Variants in LARS2 observed in about 807,000 individuals in gnomAD.
The protein encoded by LARS2 is leucyl-tRNA synthetase 2, mitochondrial.
In LARS2, 81 loss-of-function variants were observed where a neutral mutation model predicts 116.6. The ratio of observed to expected loss-of-function variants is 0.69; its 90% confidence interval spans 0.58 to 0.84. The LOEUF is 0.84. LARS2 is among the 40% of genes least tolerant of loss of function. The probability of loss-of-function intolerance (pLI) is 0.00; values close to 1 mark genes in which losing one functional copy is unlikely to be tolerated. For synonymous variants in LARS2, 396 were observed against 407.2 expected, an observed-to-expected ratio of 0.97 and a Z score of 0.33; for missense variants, 968 against 1,114.5, an observed-to-expected ratio of 0.87 and a Z score of 1.87.
intron 14 of LARS2, among the ~76,000 whole-genome samples, chr3:45,498,663 G>T (rs1322760379): frequency 6.6e-6 from 1 of 152,060 alleles, no homozygotes; most frequent in African/African-American, 2.4e-5. Context: ...ACAAATATTC[G>T]AAGTCCTCCA....
intron 7 of LARS2, among the ~76,000 whole-genome samples, chr3:45,448,718 G>C (rs747634325): frequency 1.3e-5 from 2 of 152,270 alleles, no homozygotes; most frequent in African/African-American, 4.8e-5. Context: ...AACTGCAGCA[G>C]GAGCATGTTC....
chr3:45,518,139 G>C (rs1700401188), intron 18 of LARS2, 67 bp downstream of exon 18: 1 of 1,277,182 alleles, frequency 7.8e-7, no homozygotes, highest in African/African-American at 1.5e-5. Context: ...CTTTGCCTGT[G>C]GTCTTTGCTG....
intron 21 of LARS2, among the ~76,000 whole-genome samples, chr3:45,542,683 G>T (rs1166540588): frequency 1.3e-5 from 2 of 152,182 alleles, no homozygotes; most frequent in African/African-American, 4.8e-5. Context: ...ACCCTATAAC[G>T]TGGGCGTTGC....
chr3:45,524,890 G>A (rs1700510984), intron 20 of LARS2, among the ~76,000 whole-genome samples: 1 of 152,226 alleles, frequency 6.6e-6, no homozygotes, highest in Non-Finnish European at 1.5e-5. Flanking sequence ...GTAAGCTTGA[G>A]TGATAAGAAG....
Position 45,492,294 on chromosome 3 carries a change from C to T in LARS2, c.1523+494C>T, listed in dbSNP as rs1210681644. Among the ~76,000 whole-genome samples, 7 of 152,144 alleles carry T rather than the reference C, an allele frequency of 4.6e-5. No individual in the cohort carries two copies. The East Asian group carries it at 1.3e-3, about 29-fold the overall frequency. On this transcript the variant is annotated intron_variant, in intron 13 of 21. Transcript: ENST00000645846. Reference sequence around the variant, plus strand: ...CTGCATTCTTTAATATGCTGAAGCACCATGGTTCCTTTCTCCTCATTTTGG... The same window carrying T: ...CTGCATTCTTTAATATGCTGAAGCATCATGGTTCCTTTCTCCTCATTTTGG...
intron 20 of LARS2, among the ~76,000 whole-genome samples, chr3:45,540,754 AT>A (rs1700781474): frequency 4.0e-5 from 4 of 99,594 alleles, no homozygotes; most frequent in Admixed American, 3.8e-4. Flanking sequence ...CTGTCTATCT[AT>A]CTATCTATCT....
At chr3:45,500,631 T>C in intron 15 of LARS2, 52 bp downstream of exon 15, 1 of 1,379,296 alleles carries the variant, frequency 7.3e-7, no homozygotes, top group Non-Finnish European at 9.8e-7. Flanking sequence ...AATAGCAACT[T>C]TAAGCAGGTG....
At chr3:45,455,521 A>G (rs1699199859) in intron 7 of LARS2, among the ~76,000 whole-genome samples, 1 of 152,132 alleles carries the variant, frequency 6.6e-6, no homozygotes, top group African/African-American at 2.4e-5. Context: ...GAACCCTTCC[A>G]GAACCTGTGT....
At chr3:45,470,678 A>G (rs1322426837) in intron 8 of LARS2, among the ~76,000 whole-genome samples, 1 of 152,212 alleles carries the variant, frequency 6.6e-6, no homozygotes, top group East Asian at 1.9e-4. Context: ...TAGGGAAATC[A>G]CATGACCTCT....
intron 19 of LARS2, among the ~76,000 whole-genome samples, chr3:45,521,455 G>A (rs937874190): frequency 2.0e-5 from 3 of 151,958 alleles, no homozygotes; most frequent in African/African-American, 7.3e-5. Context: ...AAATTAAAAG[G>A]GTAATTTTTA....
At chr3:45,479,820 A>G (rs770379571) in intron 10 of LARS2, among the ~76,000 whole-genome samples, 1 of 152,168 alleles carries the variant, frequency 6.6e-6, no homozygotes, top group Non-Finnish European at 1.5e-5. Flanking sequence ...TGCATTCCTA[A>G]TATTAAAATA....
chr3:45,389,659 A>G (rs568565964), intron 1 of LARS2, among the ~76,000 whole-genome samples: 5 of 152,222 alleles, frequency 3.3e-5, no homozygotes, highest in Admixed American at 6.5e-5. Context: ...AGAAGAGAAG[A>G]GTCTTCTTAT....
chr3:45,443,856 G>A (rs1373423894), intron 6 of LARS2, among the ~76,000 whole-genome samples: 1 of 152,166 alleles, frequency 6.6e-6, no homozygotes, highest in Non-Finnish European at 1.5e-5. Context: ...AAGCCAGGGT[G>A]AAAGCAGGGG....
chr3:45,472,113 G>A (rs1699539008), intron 8 of LARS2, among the ~76,000 whole-genome samples: 2 of 152,160 alleles, frequency 1.3e-5, no homozygotes, highest in Non-Finnish European at 1.5e-5. Context: ...TGAGAATGCC[G>A]GGGATCCAAG....
intron 4 of LARS2, among the ~76,000 whole-genome samples, chr3:45,416,760 T>C (rs548647384): frequency 6.6e-6 from 1 of 152,128 alleles, no homozygotes; most frequent in South Asian, 2.1e-4. Flanking sequence ...GGCTACCATA[T>C]TGGACAGCAC....
chr3:45,512,251 AC>A lies in LARS2; in HGVS notation c.1761-881del, dbSNP rs1439284886. Among the ~76,000 whole-genome samples the A allele has an allele frequency of 2.0e-5, 3 of 152,258 alleles. No homozygotes were observed. The East Asian group carries it at 5.8e-4, about 29-fold the overall frequency. On this transcript the variant is annotated intron_variant, in intron 15 of 21. Transcript: ENST00000645846. ...CAGGAAATGAGTGCTCCTACCTGATACCCTGAACACGAAATACTTAACGTGT... is the reference window on the plus strand; with the variant it reads ...CAGGAAATGAGTGCTCCTACCTGATACCTGAACACGAAATACTTAACGTGT...
chr3:45,466,747 C>T (rs1575273053), intron 8 of LARS2, among the ~76,000 whole-genome samples: 2 of 152,122 alleles, frequency 1.3e-5, no homozygotes, highest in East Asian at 3.9e-4. Flanking sequence ...GACCGAATCT[C>T]ACTCTGTCTC....
chr3:45,470,178 C>G (rs1699497672), intron 8 of LARS2, among the ~76,000 whole-genome samples: 1 of 152,154 alleles, frequency 6.6e-6, no homozygotes. Flanking sequence ...CATTTGTGGT[C>G]ATGTCGTACC....
intron 3 of LARS2, among the ~76,000 whole-genome samples, chr3:45,396,800 AC>A (rs1410760991): frequency 6.6e-6 from 1 of 152,240 alleles, no homozygotes; most frequent in Non-Finnish European, 1.5e-5. Context: ...ATTTGCCAAG[AC>A]ATGGCAGAGC....
Sources: allele counts gnomAD v4.1 joint callset (sites outside exome capture counted in the v4.1 genomes callset), GRCh38; gene constraint gnomAD v4.1.1; transcripts MANE v1.5; gene names NCBI Gene and HGNC (gene_info 2026-07-23, HGNC 2026-07-21).